Variants in PRKD1 observed in about 807,000 individuals in gnomAD.
The protein encoded by PRKD1 is protein kinase D1, also known as serine/threonine-protein kinase D1.
PRKD1 carries 63 observed loss-of-function variants against 95.9 expected under a neutral mutation model. The ratio of observed to expected loss-of-function variants is 0.66; its 90% CI spans 0.54 to 0.81. The LOEUF (loss-of-function observed/expected upper bound fraction) is 0.81. Ranked by LOEUF, PRKD1 falls within the 30% of genes least tolerant of loss-of-function variation. The probability of loss-of-function intolerance (pLI) is 0.00; values close to 1 mark genes in which losing one functional copy is unlikely to be tolerated. For synonymous variants in PRKD1, 425 were observed against 423.1 expected, an observed-to-expected ratio of 1.00 and a Z score of -0.05; for missense variants, 1,048 against 1,165.3, an observed-to-expected ratio of 0.90 and a Z score of 1.47.
At chr14:29,777,558 T>C (rs1478841674) in intron 1 of PRKD1, among the ~76,000 whole-genome samples, 5 of 152,174 alleles carry the variant, frequency 3.3e-5, no homozygotes, top group African/African-American at 4.8e-5. Context: ...GGTCATTACA[T>C]AATGGTAAAG....
intron 2 of PRKD1, among the ~76,000 whole-genome samples, chr14:29,709,676 C>A (rs1885251678): frequency 6.6e-6 from 1 of 152,122 alleles, no homozygotes; most frequent in African/African-American, 2.4e-5. Flanking sequence ...ACTCTGAGTT[C>A]TAAAGCAGGA....
chr14:29,854,463 T>C (rs756167039), intron 1 of PRKD1, among the ~76,000 whole-genome samples: 1 of 152,198 alleles, frequency 6.6e-6, no homozygotes, highest in Non-Finnish European at 1.5e-5. Flanking sequence ...ATAGGGTATC[T>C]AGCAGAATAA....
rs775762487 is a variant in PRKD1 at position 29,638,827 on chromosome 14, G to C, written c.774C>G (p.His258Gln). ...NSQSYIGRPI[H>Q]LDKILMSKVK... The stretch of plus-strand genomic sequence containing the variant: ...CTTTAGACATCAAAATCTTGTCAAG[G>C]TGAATTGGTCGTCCAATGTATGATT... The change falls in exon 5 of 18, where the codon CAC becomes CAG. Residue 258 changes from histidine (H) to glutamine (Q), a missense_variant. Transcript: ENST00000331968. 13 of 1,534,508 alleles carry C rather than the reference G, an allele frequency of 8.5e-6. No homozygotes were observed. The South Asian group carries it at 1.4e-4, about 17-fold the overall frequency.
chr14:29,846,247 A>G (rs1389632300), intron 1 of PRKD1, among the ~76,000 whole-genome samples: 2 of 152,198 alleles, frequency 1.3e-5, no homozygotes, highest in African/African-American at 2.4e-5. Context: ...AGAAACTATT[A>G]ACAAACAAAT....
At chr14:29,760,516 C>T (rs1326045934) in intron 1 of PRKD1, among the ~76,000 whole-genome samples, 2 of 151,902 alleles carry the variant, frequency 1.3e-5, no homozygotes, top group Non-Finnish European at 2.9e-5. Flanking sequence ...CTACCACCCT[C>T]GGCTAATTTT....
At chr14:29,789,494 C>A (rs746675790) in intron 1 of PRKD1, among the ~76,000 whole-genome samples, 1 of 152,140 alleles carries the variant, frequency 6.6e-6, no homozygotes, top group Non-Finnish European at 1.5e-5. Context: ...TTTATAATTT[C>A]TTTGACTCTA....
intron 2 of PRKD1, among the ~76,000 whole-genome samples, chr14:29,677,540 A>G (rs1420315135): frequency 6.6e-6 from 1 of 152,208 alleles, no homozygotes; most frequent in East Asian, 1.9e-4. Context: ...ACAGAATGTT[A>G]AATACTAGTA....
chr14:29,889,776 T>C (rs1038514075), intron 1 of PRKD1, among the ~76,000 whole-genome samples: 2 of 152,116 alleles, frequency 1.3e-5, no homozygotes, highest in African/African-American at 2.4e-5. Flanking sequence ...TTAGGAGAAA[T>C]ACCTAATGTA....
At chr14:29,746,263 C>A (rs774953645) in intron 1 of PRKD1, among the ~76,000 whole-genome samples, 3 of 152,064 alleles carry the variant, frequency 2.0e-5, no homozygotes, top group Non-Finnish European at 4.4e-5. Flanking sequence ...AAACTGAATG[C>A]GCTTATTCCT....
chr14:29,712,470 T>C (rs1489306600), intron 2 of PRKD1, among the ~76,000 whole-genome samples: 1 of 152,176 alleles, frequency 6.6e-6, no homozygotes, highest in Non-Finnish European at 1.5e-5. Flanking sequence ...AATTGCTTTA[T>C]AACATGAAAA....
intron 2 of PRKD1, among the ~76,000 whole-genome samples, chr14:29,672,612 T>C (rs1882927771): frequency 1.3e-5 from 2 of 151,964 alleles, no homozygotes; most frequent in Non-Finnish European, 2.9e-5. Context: ...AAAGACTCAT[T>C]AGCATGACCA....
intron 7 of PRKD1, among the ~76,000 whole-genome samples, chr14:29,636,044 CAAAA>C (rs10590081): frequency 1.4e-3 from 201 of 143,088 alleles, no homozygotes; most frequent in Middle Eastern, 3.5e-3. Flanking sequence ...CTCTCACATG[CAAAA>C]AAAAAAAAAA....
At chr14:29,683,759 A>AATGCAGGCCCT (rs1883678067) in intron 2 of PRKD1, among the ~76,000 whole-genome samples, 1 of 152,212 alleles carries the variant, frequency 6.6e-6, no homozygotes, top group Non-Finnish European at 1.5e-5. Flanking sequence ...ACACAGTGAA[A>AATGCAGGCCCT]ATGCAGGCCC....
chr14:29,686,552 C>T (rs1311525498), intron 2 of PRKD1, among the ~76,000 whole-genome samples: 2 of 152,194 alleles, frequency 1.3e-5, no homozygotes, highest in Admixed American at 6.5e-5. Flanking sequence ...AGAAACAAAA[C>T]TGGGGCTGGG....
At chr14:29,582,018 T>C (rs1892771476) in intron 16 of PRKD1, among the ~76,000 whole-genome samples, 2 of 152,156 alleles carry the variant, frequency 1.3e-5, no homozygotes, top group African/African-American at 2.4e-5. Flanking sequence ...CCAAAGGCTA[T>C]TTTAGGCTAT....
At chr14:29,816,036 G>A (rs1175985048) in intron 1 of PRKD1, among the ~76,000 whole-genome samples, 2 of 152,084 alleles carry the variant, frequency 1.3e-5, no homozygotes, top group African/African-American at 4.8e-5. Flanking sequence ...TGGCCAACAT[G>A]GTGAAACCCC....
chr14:29,723,189 T>C (rs535961896), intron 2 of PRKD1, among the ~76,000 whole-genome samples: 1 of 152,320 alleles, frequency 6.6e-6, no homozygotes, highest in Admixed American at 6.5e-5. Context: ...ATTAGGAATC[T>C]GACAACAATT....
At chr14:29,739,529 A>C (rs1248784577) in intron 1 of PRKD1, among the ~76,000 whole-genome samples, 1 of 152,224 alleles carries the variant, frequency 6.6e-6, no homozygotes, top group Non-Finnish European at 1.5e-5. Context: ...AAGACAAAAA[A>C]GAATATATCT....
intron 1 of PRKD1, among the ~76,000 whole-genome samples, chr14:29,780,086 T>C (rs1311703333): frequency 3.9e-5 from 6 of 152,326 alleles, no homozygotes; most frequent in Admixed American, 2.6e-4. Context: ...GCTAGCCATA[T>C]GTAGAAAGCT....
Sources: allele counts gnomAD v4.1 joint callset (sites outside exome capture counted in the v4.1 genomes callset), GRCh38; gene constraint gnomAD v4.1.1; transcripts MANE v1.5; gene names NCBI Gene and HGNC (gene_info 2026-07-23, HGNC 2026-07-21).